CSMD1: variants seen among roughly 807,000 people sequenced by gnomAD.
CSMD1 encodes the protein CUB and Sushi multiple domains 1.
CSMD1 carries 213 observed loss-of-function variants against 417.5 expected under a neutral mutation model. The ratio of observed to expected loss-of-function variants is 0.51; its 90% CI spans 0.46 to 0.57. The LOEUF (loss-of-function observed/expected upper bound fraction) is 0.57, where lower values mean the gene tolerates loss of function less well. CSMD1 is among the 20% of genes least tolerant of loss of function. The pLI, the probability that CSMD1 is intolerant of heterozygous loss-of-function variation, is 0.00. For synonymous variants in CSMD1, 2,862 were observed against 1,736.8 expected, an observed-to-expected ratio of 1.65 and a Z score of -16.11; for missense variants, 6,923 against 4,529.7, an observed-to-expected ratio of 1.53 and a Z score of -15.17.
intron 3 of CSMD1, among the ~76,000 whole-genome samples, chr8:4,112,864 A>G (rs763988089): frequency 2.6e-5 from 4 of 152,214 alleles, no homozygotes; most frequent in Non-Finnish European, 5.9e-5. Context: ...GTTTTTAAAA[A>G]TTGAAGGCTT....
intron 55 of CSMD1, 98 bp from the exon 56 acceptor site, chr8:2,974,722 T>C (rs1804774783): frequency 3.7e-6 from 3 of 814,180 alleles, no homozygotes; most frequent in South Asian, 7.6e-5. Flanking sequence ...ACATCATGTA[T>C]TAAAGAAAAA....
intron 7 of CSMD1, among the ~76,000 whole-genome samples, chr8:3,702,591 G>A (rs1014732206): frequency 3.3e-5 from 5 of 152,322 alleles, no homozygotes; most frequent in Admixed American, 6.5e-5. Flanking sequence ...AGCACTTTGG[G>A]AGGCCGAGGC....
At chr8:3,190,906 T>C (rs1395353181) in intron 33 of CSMD1, among the ~76,000 whole-genome samples, 1 of 152,140 alleles carries the variant, frequency 6.6e-6, no homozygotes, top group Non-Finnish European at 1.5e-5. Context: ...TATGGGGAGA[T>C]CTAAAGTAGT....
intron 3 of CSMD1, among the ~76,000 whole-genome samples, chr8:4,268,826 G>C (rs955255139): frequency 2.0e-5 from 3 of 151,754 alleles, no homozygotes; most frequent in Admixed American, 1.3e-4. Flanking sequence ...TAGCCCCCAA[G>C]TAATCTTAAT....
At chr8:3,905,605 C>T (rs1808057958) in intron 5 of CSMD1, among the ~76,000 whole-genome samples, 1 of 152,234 alleles carries the variant, frequency 6.6e-6, no homozygotes, top group Non-Finnish European at 1.5e-5. Flanking sequence ...AGAGTTTCCA[C>T]TTCAGTGTGA....
At chr8:4,372,361 T>G (rs1802446082) in intron 3 of CSMD1, among the ~76,000 whole-genome samples, 1 of 152,148 alleles carries the variant, frequency 6.6e-6, no homozygotes, top group African/African-American at 2.4e-5. Flanking sequence ...AGTGTTTCCT[T>G]CCACATGCTG....
intron 25 of CSMD1, among the ~76,000 whole-genome samples, chr8:3,284,878 A>C (rs1278487807): frequency 1.3e-5 from 2 of 152,302 alleles, no homozygotes; most frequent in East Asian, 1.9e-4. Context: ...ATATTTTAAA[A>C]CTTCATCATT....
intron 3 of CSMD1, among the ~76,000 whole-genome samples, chr8:4,411,060 C>G (rs1007279399): frequency 6.6e-6 from 1 of 152,046 alleles, no homozygotes; most frequent in South Asian, 2.1e-4. Flanking sequence ...GATACCACTC[C>G]ACCCGTTTAT....
At chr8:4,575,524 G>T (rs1294822164) in intron 2 of CSMD1, among the ~76,000 whole-genome samples, 1 of 152,152 alleles carries the variant, frequency 6.6e-6, no homozygotes, top group East Asian at 1.9e-4. Context: ...TCACCAGAGT[G>T]CAGAAGGGAG....
rs1414706057 is a variant in CSMD1 at position 2,965,983 on chromosome 8, G to C, written c.9101-29C>G. 3.9e-6 allele frequency: 6 copies of C among 1,558,396 alleles called. No homozygotes were observed. In the South Asian group the frequency reaches 4.7e-5, roughly 12 times the overall value. On this transcript the variant is annotated intron_variant, in intron 58 of 69. Transcript: ENST00000635120. ...ATAAACAGGGAACAGGAAAGAATCA[G>C]AGAAATTCATTTACCATGAAATGAA...
Position 4,844,087 on chromosome 8 carries a change from A to G in CSMD1, c.85+150245T>C, listed in dbSNP as rs904738618. Among the ~76,000 whole-genome samples the G allele has an allele frequency of 7.2e-5, 11 of 152,316 alleles. No homozygotes were observed. The South Asian group carries it at 1.9e-3, about 26-fold the overall frequency. On this transcript the variant is annotated intron_variant, in intron 1 of 69. Coordinates refer to ENST00000635120, the MANE Select transcript of CSMD1 (RefSeq NM_033225.6). ...AGCTTTCTATCTTTAGGGGAAAAAT[A>G]ATGCATGAAGTGTTTGTCTAAGAGC...
intron 3 of CSMD1, among the ~76,000 whole-genome samples, chr8:4,119,372 G>A (rs1293437784): frequency 6.6e-6 from 1 of 152,192 alleles, no homozygotes; most frequent in Non-Finnish European, 1.5e-5. Flanking sequence ...ATTTTTTAAA[G>A]AGGTTGATCT....
intron 5 of CSMD1, among the ~76,000 whole-genome samples, chr8:3,973,441 T>G (rs1254303001): frequency 1.3e-5 from 2 of 152,208 alleles, no homozygotes; most frequent in African/African-American, 2.4e-5. Flanking sequence ...TTATAAAAAT[T>G]TTTTGAAAAT....
chr8:3,879,378 A>C (rs1806053525), intron 5 of CSMD1, among the ~76,000 whole-genome samples: 1 of 152,182 alleles, frequency 6.6e-6, no homozygotes, highest in African/African-American at 2.4e-5. Context: ...TATAGACATA[A>C]AGTATTCATA....
intron 3 of CSMD1, among the ~76,000 whole-genome samples, chr8:4,407,547 C>T (rs890910529): frequency 6.6e-6 from 1 of 152,184 alleles, no homozygotes; most frequent in South Asian, 2.1e-4. Flanking sequence ...ATATCTTGTG[C>T]TAATTTCATA....
chr8:3,821,384 T>C (rs374072799), intron 5 of CSMD1, among the ~76,000 whole-genome samples: 2 of 152,336 alleles, frequency 1.3e-5, no homozygotes, highest in East Asian at 3.9e-4. Flanking sequence ...GGTTTGCATA[T>C]GGCACCATCA....
At chr8:3,930,849 C>A (rs1810090158) in intron 5 of CSMD1, among the ~76,000 whole-genome samples, 1 of 150,676 alleles carries the variant, frequency 6.6e-6, no homozygotes, top group South Asian at 2.1e-4. Context: ...TAATAGATAT[C>A]TTAATAGTTA....
intron 2 of CSMD1, among the ~76,000 whole-genome samples, chr8:4,524,785 A>G: frequency 6.6e-6 from 1 of 152,166 alleles, no homozygotes; most frequent in East Asian, 1.9e-4. Flanking sequence ...TTTAGAAATT[A>G]TCCAGTAAAT....
chr8:3,104,309 G>A (rs752389985), intron 46 of CSMD1, among the ~76,000 whole-genome samples: 14 of 152,156 alleles, frequency 9.2e-5, no homozygotes, highest in African/African-American at 3.1e-4. Flanking sequence ...TGGCACAGAC[G>A]TTGGCTTTCT....
Sources: allele counts gnomAD v4.1 joint callset (sites outside exome capture counted in the v4.1 genomes callset), GRCh38; gene constraint gnomAD v4.1.1; transcripts MANE v1.5; gene names NCBI Gene and HGNC (gene_info 2026-07-23, HGNC 2026-07-21).